Variants in SGPP2 observed in about 807,000 individuals in gnomAD.
The protein encoded by SGPP2 is sphingosine-1-phosphate phosphatase 2.
SGPP2 carries 30 observed loss-of-function variants against 33.9 expected under a neutral mutation model. The observed-to-expected ratio is 0.89, with a 90% CI of 0.66 to 1.20. The LOEUF is 1.20. Among genes scored for constraint, SGPP2 ranks in the 50% most tolerant of loss-of-function variants. The probability of loss-of-function intolerance (pLI) is 0.00; values close to 1 mark genes in which losing one functional copy is unlikely to be tolerated. For synonymous variants in SGPP2, 233 were observed against 225.0 expected, an observed-to-expected ratio of 1.04 and a Z score of -0.32; for missense variants, 458 against 532.1, an observed-to-expected ratio of 0.86 and a Z score of 1.37.
intron 4 of SGPP2, among the ~76,000 whole-genome samples, chr2:222,555,144 A>G (rs915277596): frequency 6.6e-6 from 1 of 152,174 alleles, no homozygotes; most frequent in East Asian, 1.9e-4. Flanking sequence ...TCAGTTCAGC[A>G]TAATTTCCTG....
intron 1 of SGPP2, among the ~76,000 whole-genome samples, chr2:222,458,266 G>A (rs1011825404): frequency 6.6e-6 from 1 of 151,658 alleles, no homozygotes; most frequent in African/African-American, 2.4e-5. Context: ...CGTTGGCCAG[G>A]CTGGTCTCAA....
chr2:222,484,667 G>A (rs1373262609), intron 2 of SGPP2, among the ~76,000 whole-genome samples: 1 of 152,098 alleles, frequency 6.6e-6, no homozygotes, highest in Non-Finnish European at 1.5e-5. Context: ...GGAGCATCCT[G>A]ATATGGCAGA....
chr2:222,558,454 T>TGTC lies in SGPP2; in HGVS notation c.757_759dup (p.Val253dup). ...CGGCCAGCCCCCTCTTCCCCGTGTG[T>TGTC]GTCATAGTTGTGCCATTCTTCCTGT... On this transcript the variant is annotated inframe_insertion, in exon 5 of 5. Coordinates refer to ENST00000321276, the MANE Select transcript of SGPP2 (RefSeq NM_152386.4). 1 of 1,614,168 alleles carries TGTC rather than the reference T, an allele frequency of 6.2e-7. No homozygotes were observed. Among genetic ancestry groups the TGTC allele is most frequent in the Non-Finnish European group, 8.5e-7 (1 of 1,180,038 alleles).
intron 1 of SGPP2, among the ~76,000 whole-genome samples, chr2:222,434,529 C>T (rs1308579960): frequency 1.3e-5 from 2 of 152,160 alleles, no homozygotes; most frequent in East Asian, 3.9e-4. Flanking sequence ...ATTTTAAATA[C>T]TATTCTCTCC....
chr2:222,431,474 C>G (rs1442813190), intron 1 of SGPP2, among the ~76,000 whole-genome samples: 3 of 152,148 alleles, frequency 2.0e-5, no homozygotes, highest in Non-Finnish European at 4.4e-5. Flanking sequence ...CCACTGCACT[C>G]CATTCTAGGT....
At chr2:222,450,760 AGGGGGTTGGT>A (rs1697473492) in intron 1 of SGPP2, among the ~76,000 whole-genome samples, 1 of 152,182 alleles carries the variant, frequency 6.6e-6, no homozygotes, top group African/African-American at 2.4e-5. Flanking sequence ...GGGTTTGAAA[AGGGGGTTGGT>A]ACCAAACCTT....
At chr2:222,449,780 T>C (rs574560315) in intron 1 of SGPP2, among the ~76,000 whole-genome samples, 78 of 152,284 alleles carry the variant, frequency 5.1e-4, no homozygotes, top group African/African-American at 1.8e-3. Context: ...CAACTAATTT[T>C]CTAAAAGCCA....
At position 222,453,099 on chromosome 2, in the gene SGPP2, A is replaced by C. The variant is rs1396964333; in HGVS notation, c.220-21469A>C. On this transcript the variant is annotated intron_variant, in intron 1 of 4. Coordinates refer to ENST00000321276, the MANE Select transcript of SGPP2 (RefSeq NM_152386.4). ...TGGGTTGTTTGCCTTTGGGACTGGT[A>C]GGAGAATCAGGACTATCCTCAGATC... 3.8e-5 allele frequency: 33 copies of C among 872,074 alleles called. 1 individual carries two copies. The highest frequency in any genetic ancestry group is 2.5e-4 in the South Asian group (19 of 75,118). 54.0% of individuals were successfully genotyped at this position (872,074 alleles called of 1,614,324 possible).
rs1156542537 is a variant in SGPP2, at chr2:222,561,754, G to A, written c.*2856G>A. Among the ~76,000 whole-genome samples, 1 of 151,958 alleles carries A rather than the reference G, an allele frequency of 6.6e-6. No individual in the cohort carries two copies. The highest frequency in any genetic ancestry group is 2.4e-5 in the African/African-American group (1 of 41,362). ...TATTTGATTACTGCAACTGGAGAAT[G>A]AAAAGTGTATATTGGTGACGCCAAC... On this transcript the variant is annotated 3_prime_UTR_variant, in exon 5 of 5. Transcript: ENST00000321276.
At chr2:222,537,202 T>C (rs573117499) in intron 4 of SGPP2, among the ~76,000 whole-genome samples, 2 of 152,176 alleles carry the variant, frequency 1.3e-5, no homozygotes, top group Non-Finnish European at 2.9e-5. Flanking sequence ...TATATAAATG[T>C]ACAATAGAAA....
intron 2 of SGPP2, among the ~76,000 whole-genome samples, chr2:222,505,955 G>T (rs1281614440): frequency 1.4e-5 from 2 of 139,336 alleles, no homozygotes; most frequent in Non-Finnish European, 3.1e-5. Context: ...AAAAAAAAAA[G>T]TAGTTAAAAT....
chr2:222,487,304 A>G (rs1698126402), intron 2 of SGPP2, among the ~76,000 whole-genome samples: 2 of 152,214 alleles, frequency 1.3e-5, no homozygotes, highest in South Asian at 4.1e-4. Flanking sequence ...AAGGGAGGAC[A>G]TAGCCAGGTT....
chr2:222,550,356 T>G lies in SGPP2; in HGVS notation c.649-7991T>G, dbSNP rs1689272440. 6.6e-6 allele frequency among the ~76,000 whole-genome samples: 1 copy of G among 152,236 alleles called. No individual in the cohort carries two copies. The highest frequency in any genetic ancestry group is 1.5e-5 in the Non-Finnish European group (1 of 68,032). On this transcript the variant is annotated intron_variant, in intron 4 of 4. Transcript: ENST00000321276. The surrounding 1 kb of genome is among the most constrained non-coding windows in gnomAD (Gnocchi z 4.5). Reference sequence around the variant, plus strand: ...CATTCTGATTTTTTTCCTCCTTGATTTCATTTTATTATAATAAAAATAACA... The same window carrying G: ...CATTCTGATTTTTTTCCTCCTTGATGTCATTTTATTATAATAAAAATAACA...
intron 2 of SGPP2, among the ~76,000 whole-genome samples, chr2:222,495,085 T>C (rs1381065440): frequency 2.0e-5 from 3 of 152,008 alleles, no homozygotes; most frequent in African/African-American, 7.2e-5. Context: ...TTTGAAAACC[T>C]GAAGGAGTTT....
chr2:222,541,038 C>T (rs1182922722), intron 4 of SGPP2, among the ~76,000 whole-genome samples: 4 of 151,976 alleles, frequency 2.6e-5, no homozygotes, highest in African/African-American at 7.3e-5. Flanking sequence ...AGGCTGGTCT[C>T]GAACTCCTGA....
chr2:222,533,789 AT>A (rs113490942), intron 4 of SGPP2, among the ~76,000 whole-genome samples: 220 of 107,480 alleles, frequency 2.0e-3, no homozygotes, highest in African/African-American at 4.4e-3. Flanking sequence ...GGCTTCATTT[AT>A]TTTTTTTTTT....
intron 2 of SGPP2, among the ~76,000 whole-genome samples, chr2:222,514,451 G>C (rs1164857928): frequency 2.0e-5 from 3 of 152,186 alleles, no homozygotes; most frequent in Non-Finnish European, 2.9e-5. Flanking sequence ...TCCTGCCTCT[G>C]CCTCCCACAG....
At chr2:222,463,204 G>A (rs924229046) in intron 1 of SGPP2, among the ~76,000 whole-genome samples, 4 of 152,150 alleles carry the variant, frequency 2.6e-5, no homozygotes, top group East Asian at 3.8e-4. Flanking sequence ...GACTGATCAC[G>A]GATATCCACT....
At chr2:222,487,390 AT>A (rs1380860157) in intron 2 of SGPP2, among the ~76,000 whole-genome samples, 5 of 152,206 alleles carry the variant, frequency 3.3e-5, no homozygotes, top group African/African-American at 1.2e-4. Context: ...TAACTAACAA[AT>A]TGACATTTCT....
Sources: allele counts gnomAD v4.1 joint callset (sites outside exome capture counted in the v4.1 genomes callset), GRCh38; gene constraint gnomAD v4.1.1; non-coding constraint Gnocchi (gnomAD v3.1); transcripts MANE v1.5; gene names NCBI Gene and HGNC (gene_info 2026-07-23, HGNC 2026-07-21).